The following PCARE variants were observed in gnomAD, a reference collection of about 807,000 sequenced individuals.
The protein encoded by PCARE is uncharacterized protein C2orf71.
A neutral mutation model predicts 82.2 loss-of-function variants in PCARE; 72 were observed. The ratio of observed to expected loss-of-function variants is 0.88; its 90% CI spans 0.72 to 1.07. The LOEUF is 1.07. Among genes scored for constraint, PCARE ranks in the 50% least tolerant of loss-of-function variants. The pLI, the probability that PCARE is intolerant of heterozygous loss-of-function variation, is 0.00. For synonymous variants in PCARE, 705 were observed against 634.8 expected, an observed-to-expected ratio of 1.11 and a Z score of -1.66; for missense variants, 1,768 against 1,592.4, an observed-to-expected ratio of 1.11 and a Z score of -1.88.
At chr2:29,065,443 GACA>G (rs556725111) in intron 1 of PCARE, among the ~76,000 whole-genome samples, 11 of 152,328 alleles carry the variant, frequency 7.2e-5, no homozygotes, top group African/African-American at 1.9e-4. Context: ...TTGAATTAAA[GACA>G]ACAACAACAA....
In PCARE at chr2:29,070,994, A is replaced by T; in HGVS notation, c.3268T>A (p.Ser1090Thr). ...ASPPFSIPSP[S>T]PPMSPSQEHK... Reference sequence around the variant, plus strand: ...TCCTGAGAAGGGGACATTGGGGGTGATGGGGAGGGAATCGAGAAAGGGGGG... The same window carrying T: ...TCCTGAGAAGGGGACATTGGGGGTGTTGGGGAGGGAATCGAGAAAGGGGGG... Residue 1090 changes from serine to threonine, a missense_variant, in exon 1 of 2, where the codon TCA becomes ACA. Transcript: ENST00000331664. 7.1e-7 allele frequency: 1 copy of T among 1,411,756 alleles called. No homozygotes were observed. The highest frequency in any genetic ancestry group is 9.4e-7 in the Non-Finnish European group (1 of 1,062,212). The allele number at this position is 1,411,756 out of a possible 1,614,324, so 87.5% of individuals were successfully genotyped here.
rs751605891 is a variant in PCARE at position 29,071,496 on chromosome 2, C to T, written c.2766G>A (p.Leu922=). 139 of 1,610,530 alleles carry T rather than the reference C, an allele frequency of 8.6e-5. No homozygotes were observed. The highest frequency in any genetic ancestry group is 1.2e-4 in the Non-Finnish European group (137 of 1,179,946). Residue 922 remains leucine (L), a synonymous_variant, in exon 1 of 2, where the codon CTG becomes CTA. Coordinates refer to ENST00000331664, the MANE Select transcript of PCARE (RefSeq NM_001029883.3). ...RSSCQPRKPA[L]DLSSPPATSQ... is the part of the protein sequence containing the mutation. ...TGGTGGCTGGTGGGCTGCTCAGGTC[C>T]AGGGCTGGCTTCCTGGGCTGGCAGC...
chr2:29,072,358 C>T lies in PCARE; in HGVS notation c.1904G>A (p.Gly635Glu), dbSNP rs980929146. 1.2e-6 allele frequency: 2 copies of T among 1,614,094 alleles called. No individual in the cohort carries two copies. Among genetic ancestry groups the T allele is most frequent in the Non-Finnish European group, 1.7e-6 (2 of 1,180,042 alleles). The change falls in exon 1 of 2, where the codon GGG becomes GAG. Residue 635 changes from glycine (G) to glutamate (E), a missense_variant. Coordinates refer to ENST00000331664, the MANE Select transcript of PCARE (RefSeq NM_001029883.3). ...CTGCAGAATTTGCTCCTGGCTCTGC[C>T]CCTGCCCTTTGGCACCCAGGGCATA... Reference protein sequence around the residue: ...AFYALGAKGQGQSQEQILQPR... With the variant: ...AFYALGAKGQEQSQEQILQPR...
chr2:29,062,188 C>T lies in PCARE; in HGVS notation c.*2681G>A, dbSNP rs1345966025. ...GAGTGGGGGAAGCTGACTTGGAATT[C>T]CAGTAGCCTAAGGTTACTGGGCAAC... On this transcript the variant is annotated 3_prime_UTR_variant, in exon 2 of 2. Transcript: ENST00000331664. 1 of 152,216 alleles carries T rather than the reference C, an allele frequency of 6.6e-6. No homozygotes were observed. Among genetic ancestry groups the T allele is most frequent in the East Asian group, 1.9e-4 (1 of 5,182 alleles). 9.4% of individuals were successfully genotyped at this position (152,216 alleles called of 1,614,324 possible). A position where few individuals can be genotyped will look rare whatever the true frequency, so the allele number is the denominator to read the frequency against.
At position 29,068,557 on chromosome 2, in the gene PCARE, G is replaced by C. The variant is rs147644121; in HGVS notation, c.3668+2037C>G. On this transcript the variant is annotated intron_variant, in intron 1 of 1. Coordinates refer to ENST00000331664, the MANE Select transcript of PCARE (RefSeq NM_001029883.3). ...ACATTTTTTTTTTGTTTCTATGCCA[G>C]GTTGGGAAAAGGCACATTTCCCCGT... 1.4e-4 allele frequency among the ~76,000 whole-genome samples: 21 copies of C among 152,194 alleles called. No homozygotes were observed. The East Asian group carries it at 3.7e-3, about 27-fold the overall frequency.
In PCARE at chr2:29,064,962, C is replaced by T; in HGVS notation, c.3774G>A (p.Val1258=). Residue 1258 remains valine, a synonymous_variant, in exon 2 of 2, where the codon GTG becomes GTA. Transcript: ENST00000331664. ...GCTCCGGTTGCAGCCCGTGGCCCAG[C>T]ACACAGAACTCTGGGGGAGATGCAC... The part of the protein sequence containing the change: ...TRRASPPEFC[V]LGHGLQPEPR... 6.2e-7 allele frequency: 1 copy of T among 1,603,422 alleles called. No homozygotes were observed. Among genetic ancestry groups the T allele is most frequent in the Non-Finnish European group, 8.5e-7 (1 of 1,175,358 alleles).
chr2:29,072,757 A>C lies in PCARE; in HGVS notation c.1505T>G (p.Leu502Arg). 2 of 1,614,034 alleles carry C rather than the reference A, an allele frequency of 1.2e-6. No homozygotes were observed. Among genetic ancestry groups the C allele is most frequent in the Non-Finnish European group, 1.7e-6 (2 of 1,180,008 alleles). ...EEEDKMSSMS[L>R]CAWQEKTPHS... is the part of the protein sequence containing the mutation. ...TGGAGTTTTTTCCTGCCAGGCACAC[A>C]GACTCATGCTGCTCATTTTGTCTTC... is the stretch of plus-strand genomic sequence containing the variant. The change falls in exon 1 of 2, where the codon CTG becomes CGG. Residue 502 changes from leucine (L) to arginine (R), a missense_variant. By Grantham distance (102) the Leu-to-Arg change is moderately radical. Transcript: ENST00000331664.
Position 29,074,096 on chromosome 2 carries a change from C to A in PCARE, c.166G>T (p.Gly56Cys). ...KNSTCYDAGE[G>C]LAEEQPSPRR... ...GGACTTGGCTGCTCCTCTGCCAGGC[C>A]CTCCCCAGCGTCATAGCAGGTGGAG... The change falls in exon 1 of 2, where the codon GGC becomes TGC. Residue 56 changes from glycine (G) to cysteine (C), a missense_variant. Transcript: ENST00000331664. 1 of 1,614,168 alleles carries A rather than the reference C, an allele frequency of 6.2e-7. No individual in the cohort carries two copies. The highest frequency in any genetic ancestry group is 1.1e-5 in the South Asian group (1 of 91,080).
intron 1 of PCARE, among the ~76,000 whole-genome samples, chr2:29,066,678 C>A (rs1329338568): frequency 1.3e-5 from 2 of 152,214 alleles, no homozygotes; most frequent in Admixed American, 1.3e-4. Flanking sequence ...CAGGAAGGAA[C>A]CCAACTCACT....
chr2:29,065,073 G>A lies in PCARE; in HGVS notation c.3669-6C>T, dbSNP rs1389497239. The A allele has an allele frequency of 3.9e-6, 6 of 1,549,804 alleles. 1 individual carries two copies. The highest frequency in any genetic ancestry group is 1.7e-4 in the Middle Eastern group (1 of 5,982). Reference sequence around the variant, plus strand: ...TAGGGCTCTCCTCGCTGCTGCTGCCGAGAGAAAGGACAAGTGCAGGTCAGA... The same window carrying A: ...TAGGGCTCTCCTCGCTGCTGCTGCCAAGAGAAAGGACAAGTGCAGGTCAGA... On this transcript the variant is annotated splice_region_variant and splice_polypyrimidine_tract_variant and intron_variant, in intron 1 of 1. Transcript: ENST00000331664.
rs1226427738 is a variant in PCARE at position 29,071,309 on chromosome 2, C to G, written c.2953G>C (p.Glu985Gln). The change falls in exon 1 of 2, where the codon GAG becomes CAG. Residue 985 changes from glutamate to glutamine, a missense_variant. By Grantham distance (29) the Glu-to-Gln change is conservative (BLOSUM62 2). Transcript: ENST00000331664. The part of the protein sequence containing the change: ...SSLARPRQSR[E>Q]RSPPVGRKAS... ...TTTCTGCCCACAGGGGGGCTTCTCT[C>G]TCGGCTCTGCCTTGGTCTGGCCAGG... The G allele has an allele frequency of 6.2e-7, 1 of 1,613,498 alleles. No homozygotes were observed. Among genetic ancestry groups the G allele is most frequent in the Non-Finnish European group, 8.5e-7 (1 of 1,179,916 alleles).
In PCARE at chr2:29,061,989, C is replaced by T. The variant is rs1667316441; in HGVS notation, c.*2880G>A. ...AAACTGTTCCATTGTGGATTTAATT[C>T]CTTTTGTACAAAGTCTAATTCACAT... On this transcript the variant is annotated 3_prime_UTR_variant, in exon 2 of 2. Transcript: ENST00000331664. 2 of 152,218 alleles carry T rather than the reference C, an allele frequency of 1.3e-5. No homozygotes were observed. Among genetic ancestry groups the T allele is most frequent in the Non-Finnish European group, 2.9e-5 (2 of 68,044 alleles). 9.4% of individuals were successfully genotyped at this position (152,218 alleles called of 1,614,324 possible).
rs1667498264 is a variant in PCARE, at chr2:29,072,021, C to A, written c.2241G>T (p.Leu747=). The change falls in exon 1 of 2, where the codon CTG becomes CTT. Residue 747 remains leucine (L), a synonymous_variant. Transcript: ENST00000331664. ...TTGCCCCAGCGTCCTTAGAGTCCCC[C>A]AGCATCCTCAGACTCTCCGTGGGAC... is the stretch of plus-strand genomic sequence containing the variant. ...TFSPTESLRM[L]GDSKDAGASP... 1 of 1,613,992 alleles carries A rather than the reference C, an allele frequency of 6.2e-7. No homozygotes were observed. Among genetic ancestry groups the A allele is most frequent in the Non-Finnish European group, 8.5e-7 (1 of 1,179,958 alleles).
chr2:29,073,186 A>G lies in PCARE; in HGVS notation c.1076T>C (p.Val359Ala), dbSNP rs763011979. 1.2e-6 allele frequency: 2 copies of G among 1,614,190 alleles called. No individual in the cohort carries two copies. The highest frequency in any genetic ancestry group is 2.2e-5 in the East Asian group (1 of 44,874). ...DSGIGADNES[V>A]QSVDKLGKQT... ...CTTGCCCAGCTTGTCCACCGACTGC[A>G]CGGACTCATTGTCAGCACCAATGCC... Residue 359 changes from valine (V) to alanine (A), a missense_variant, in exon 1 of 2, where the codon GTG becomes GCG. By Grantham distance (64) the Val-to-Ala change is moderately conservative (BLOSUM62 0). Coordinates refer to ENST00000331664, the MANE Select transcript of PCARE (RefSeq NM_001029883.3).
chr2:29,065,192 T>C, intron 1 of PCARE, 125 bp from the exon 2 acceptor site: 2 of 1,163,206 alleles, frequency 1.7e-6, no homozygotes, highest in Non-Finnish European at 2.5e-6. Context: ...CTGTTCACCC[T>C]GGGTGCCAGG....
rs144569618 is a variant in PCARE, at chr2:29,071,373, G to T, written c.2889C>A (p.Ser963=). 6.2e-7 allele frequency: 1 copy of T among 1,613,588 alleles called. No individual in the cohort carries two copies. The highest frequency in any genetic ancestry group is 1.1e-5 in the South Asian group (1 of 91,096). The stretch of plus-strand genomic sequence containing the variant: ...TCCTGTTTTGTCCAGATGGAGGGCC[G>T]GAGTGGTGCCAGGCGATGGCCTTCC... The part of the protein sequence containing the change: ...QPRKAIAWHH[S]GPPSGQNRTS... The change falls in exon 1 of 2, where the codon TCC becomes TCA. Residue 963 remains serine (S), a synonymous_variant. Transcript: ENST00000331664.
intron 1 of PCARE, among the ~76,000 whole-genome samples, chr2:29,067,463 C>T (rs185130026): frequency 2.0e-4 from 31 of 152,204 alleles, no homozygotes; most frequent in African/African-American, 6.7e-4. Flanking sequence ...TCATAAGAGG[C>T]GGGGGAATGG....
rs968642049 is a variant in PCARE, at chr2:29,064,665, C to A, written c.*204G>T. 77 of 653,106 alleles carry A rather than the reference C, an allele frequency of 1.2e-4. No individual in the cohort carries two copies. Among genetic ancestry groups the A allele is most frequent in the Non-Finnish European group, 1.8e-4 (66 of 373,206 alleles). The allele number at this position is 653,106 out of a possible 1,614,324, so 40.5% of individuals were successfully genotyped here. ...CTAAAAGTTCTGGTTAACCTTTGAA[C>A]CCCAAGGCAGAGCAAGATCTGGGAC... On this transcript the variant is annotated 3_prime_UTR_variant, in exon 2 of 2. Transcript: ENST00000331664.
rs529487980 is a variant in PCARE, at chr2:29,068,364, T to C, written c.3668+2230A>G. Among the ~76,000 whole-genome samples, 3 of 152,336 alleles carry C rather than the reference T, an allele frequency of 2.0e-5. No individual in the cohort carries two copies. The South Asian group carries it at 6.2e-4, about 32-fold the overall frequency. On this transcript the variant is annotated intron_variant, in intron 1 of 1. Coordinates refer to ENST00000331664, the MANE Select transcript of PCARE (RefSeq NM_001029883.3). ...CGAGTACTTTGTAAAAAATTACCAT[T>C]TGTGCCTGGACAGATTGTGAAGTCT...
Sources: gnomAD v4.1 joint callset for allele counts (sites outside exome capture counted in the v4.1 genomes callset) on GRCh38, gnomAD v4.1.1 for gene constraint, MANE v1.5 for transcripts, NCBI Gene and HGNC (gene_info 2026-07-23, HGNC 2026-07-21) for gene names.